NAV2: variants seen among roughly 807,000 people sequenced by gnomAD.
The protein encoded by NAV2 is helicase, APC down-regulated 1.
A neutral mutation model predicts 223.2 loss-of-function variants in NAV2; 54 were observed. The ratio of observed to expected loss-of-function variants is 0.24; its 90% CI spans 0.19 to 0.30. The LOEUF (loss-of-function observed/expected upper bound fraction) is 0.30, where lower values mean the gene tolerates loss of function less well. Ranked by LOEUF, NAV2 falls within the 10% of genes least tolerant of loss-of-function variation. NAV2 has a pLI of 1.00. For synonymous variants in NAV2, 1,279 were observed against 1,239.3 expected, an observed-to-expected ratio of 1.03 and a Z score of -0.67; for missense variants, 2,806 against 3,147.5, an observed-to-expected ratio of 0.89 and a Z score of 2.60.
At chr11:20,021,445 C>G (rs1039384003) in intron 11 of NAV2, among the ~76,000 whole-genome samples, 8 of 152,184 alleles carry the variant, frequency 5.3e-5, no homozygotes, top group Non-Finnish European at 1.2e-4. Context: ...CGTGTGTGTG[C>G]ATCTGTGCCC....
chr11:19,994,553 A>T (rs577575614), intron 11 of NAV2, among the ~76,000 whole-genome samples: 1 of 128,170 alleles, frequency 7.8e-6, no homozygotes, highest in African/African-American at 3.1e-5. Flanking sequence ...TGTCTCAAAG[A>T]AAAAAAAAAA....
At chr11:19,653,718 A>G (rs181425421) in intron 1 of NAV2, among the ~76,000 whole-genome samples, 1 of 152,314 alleles carries the variant, frequency 6.6e-6, no homozygotes, top group African/African-American at 2.4e-5. Flanking sequence ...ATATGAACAC[A>G]CTTGTAAGGA....
intron 1 of NAV2, among the ~76,000 whole-genome samples, chr11:19,411,982 A>C (rs952425722): frequency 1.3e-5 from 2 of 152,190 alleles, no homozygotes; most frequent in African/African-American, 4.8e-5. Context: ...CATGCTATAG[A>C]GTAGAGCTTG....
intron 1 of NAV2, among the ~76,000 whole-genome samples, chr11:19,766,997 C>T (rs1428306451): frequency 1.3e-5 from 2 of 152,134 alleles, no homozygotes; most frequent in African/African-American, 2.4e-5. Flanking sequence ...CATAGTCAGA[C>T]GATGAGTCTT....
intron 1 of NAV2, among the ~76,000 whole-genome samples, chr11:19,735,850 G>A (rs1243610524): frequency 6.6e-6 from 1 of 152,124 alleles, no homozygotes; most frequent in Non-Finnish European, 1.5e-5. Context: ...AACATGCAAG[G>A]ATGGGAAGAA....
rs986793325 is a variant in NAV2, at chr11:19,713,401, G to T, written c.-295G>T. On this transcript the variant is annotated 5_prime_UTR_variant, in exon 1 of 38. Transcript: ENST00000349880. The surrounding 1 kb of genome is among the most constrained non-coding windows in gnomAD (Gnocchi z 7.2). ...TTGCAAGAGGCGGCAGCCCCTGAGC[G>T]CCCAGAGCTCTTGAAAGGCCACCCA... The T allele has an allele frequency of 6.6e-6, 8 of 1,213,030 alleles. No homozygotes were observed. In the African/African-American group the frequency reaches 9.4e-5, roughly 14 times the overall value. The allele number at this position is 1,213,030 out of a possible 1,614,324, so 75.1% of individuals were successfully genotyped here.
intron 1 of NAV2, among the ~76,000 whole-genome samples, chr11:19,564,244 A>T (rs2045193865): frequency 6.6e-6 from 1 of 152,198 alleles, no homozygotes. Flanking sequence ...GTGATCCTTG[A>T]GGGTGGGGCG....
intron 1 of NAV2, among the ~76,000 whole-genome samples, chr11:19,461,550 A>C (rs1422571347): frequency 6.6e-6 from 1 of 152,198 alleles, no homozygotes; most frequent in Non-Finnish European, 1.5e-5. Flanking sequence ...CTGTTAATTG[A>C]GAACCTGGTA....
chr11:19,803,112 G>C (rs2058361136), intron 1 of NAV2, among the ~76,000 whole-genome samples: 1 of 152,186 alleles, frequency 6.6e-6, no homozygotes, highest in South Asian at 2.1e-4. Context: ...GTGGTTTGCT[G>C]TGGGAGGAGG....
intron 1 of NAV2, among the ~76,000 whole-genome samples, chr11:19,393,895 G>GTTTTTTTTTTTTTTTTTTTTTTTTTTT (rs5790072): frequency 7.3e-6 from 1 of 136,234 alleles, no homozygotes. Flanking sequence ...TAACTTAAGG[G>GTTTTTTTTTTTTTTTTTTTTTTTTTTT]TTTTTTTTTT....
At chr11:19,546,764 T>A (rs2044511978) in intron 1 of NAV2, among the ~76,000 whole-genome samples, 1 of 152,204 alleles carries the variant, frequency 6.6e-6, no homozygotes, top group South Asian at 2.1e-4. Context: ...ACTTTCCACT[T>A]TTCTCCTTTT....
At chr11:19,828,892 C>T (rs1463033718) in intron 1 of NAV2, among the ~76,000 whole-genome samples, 8 of 152,152 alleles carry the variant, frequency 5.3e-5, no homozygotes, top group Admixed American at 1.3e-4. Flanking sequence ...TTGGCAGAGC[C>T]GTTTCCAACC....
chr11:19,901,888 T>C (rs1344464792), intron 6 of NAV2, among the ~76,000 whole-genome samples: 5 of 152,204 alleles, frequency 3.3e-5, no homozygotes, highest in Non-Finnish European at 5.9e-5. Flanking sequence ...AACAGATTCT[T>C]CCTTAGACTG....
chr11:20,004,412 C>T (rs1478915080), intron 11 of NAV2, among the ~76,000 whole-genome samples: 1 of 152,130 alleles, frequency 6.6e-6, no homozygotes, highest in Non-Finnish European at 1.5e-5. Context: ...TCCCCACTGC[C>T]GTAAGTCAAT....
intron 1 of NAV2, among the ~76,000 whole-genome samples, chr11:19,649,838 C>A (rs2047917867): frequency 6.6e-6 from 1 of 152,148 alleles, no homozygotes; most frequent in Non-Finnish European, 1.5e-5. Flanking sequence ...CATGAAAAGA[C>A]CCTCAGTATC....
chr11:19,739,824 C>T (rs750606279), intron 1 of NAV2, among the ~76,000 whole-genome samples: 12 of 152,286 alleles, frequency 7.9e-5, no homozygotes, highest in Admixed American at 2.6e-4. Context: ...AAGGAAGCAG[C>T]GGCTGGCAGC....
At chr11:19,867,164 A>G (rs965144881) in intron 3 of NAV2, among the ~76,000 whole-genome samples, 1 of 152,172 alleles carries the variant, frequency 6.6e-6, no homozygotes, top group African/African-American at 2.4e-5. Flanking sequence ...CACAACTGTT[A>G]TTGCACTTAC....
chr11:20,103,789 C>G (rs552983241), intron 34 of NAV2, 65 bp downstream of exon 34: 2 of 1,430,742 alleles, frequency 1.4e-6, no homozygotes, highest in South Asian at 1.1e-5. Flanking sequence ...CAAGAAGGGG[C>G]GGGTAGAGAT....
intron 1 of NAV2, among the ~76,000 whole-genome samples, chr11:19,570,633 T>C (rs1398907502): frequency 1.3e-5 from 2 of 152,154 alleles, no homozygotes; most frequent in East Asian, 1.9e-4. Flanking sequence ...AGGACTTGAA[T>C]AGACATTTCT....
Sources: gnomAD v4.1 joint callset for allele counts (sites outside exome capture counted in the v4.1 genomes callset) on GRCh38, gnomAD v4.1.1 for gene constraint, Gnocchi (gnomAD v3.1) non-coding constraint, MANE v1.5 for transcripts, NCBI Gene and HGNC (gene_info 2026-07-23, HGNC 2026-07-21) for gene names.